Variants in ALDH2 observed in about 807,000 individuals in gnomAD.
ALDH2 encodes aldehyde dehydrogenase, mitochondrial.
ALDH2 carries 44 observed loss-of-function variants against 59.6 expected under a neutral mutation model. The observed-to-expected ratio is 0.74, with a 90% confidence interval of 0.58 to 0.95. The LOEUF (loss-of-function observed/expected upper bound fraction) is 0.95. Ranked by LOEUF, ALDH2 falls within the 40% of genes least tolerant of loss-of-function variation. The pLI is 0.00. For missense variants in ALDH2, 570 were observed against 696.3 expected, an observed-to-expected ratio of 0.82 and a Z score of 2.04; for synonymous variants, 291 against 284.0, an observed-to-expected ratio of 1.02 and a Z score of -0.25.
intron 1 of ALDH2, among the ~76,000 whole-genome samples, chr12:111,776,331 C>T (rs904483676): frequency 2.0e-5 from 3 of 152,166 alleles, no homozygotes; most frequent in African/African-American, 4.8e-5. Flanking sequence ...GGACCCCCTG[C>T]GGGCAAGGTC....
At chr12:111,767,647 A>G (rs1218072425) in intron 1 of ALDH2, among the ~76,000 whole-genome samples, 3 of 152,188 alleles carry the variant, frequency 2.0e-5, no homozygotes, top group Non-Finnish European at 2.9e-5. Context: ...CTTCGGCCCC[A>G]GGGGGCCGAC....
At chr12:111,783,375 C>T in intron 3 of ALDH2, 77 bp downstream of exon 3, 1 of 1,507,968 alleles carries the variant, frequency 6.6e-7, no homozygotes, top group Non-Finnish European at 8.9e-7. Flanking sequence ...AGCCAGGAAC[C>T]AAGCATCCTG....
At chr12:111,767,418 A>C (rs1217526460) in intron 1 of ALDH2, among the ~76,000 whole-genome samples, 1 of 151,762 alleles carries the variant, frequency 6.6e-6, no homozygotes, top group African/African-American at 2.4e-5. Flanking sequence ...CAGGGTCCCC[A>C]CCCTCACCCA....
intron 12 of ALDH2, among the ~76,000 whole-genome samples, chr12:111,804,709 T>G (rs1299495122): frequency 1.4e-5 from 2 of 146,206 alleles, no homozygotes; most frequent in Admixed American, 7.0e-5. Context: ...ATTGTGCCAT[T>G]GCACTCCAGC....
At chr12:111,791,219 C>A in intron 6 of ALDH2, 87 bp from the exon 7 acceptor site, 1 of 992,732 alleles carries the variant, frequency 1.0e-6, no homozygotes, top group Admixed American at 2.0e-5. Context: ...CTGTCCCACC[C>A]TCTCTGAGAA....
At position 111,790,522 on chromosome 12, in the gene ALDH2, C is replaced by T; in HGVS notation, c.641C>T (p.Thr214Ile). 1 of 1,614,188 alleles carries T rather than the reference C, an allele frequency of 6.2e-7. No individual in the cohort carries two copies. Among genetic ancestry groups the T allele is most frequent in the South Asian group, 1.1e-5 (1 of 91,078 alleles). Residue 214 changes from threonine to isoleucine, a missense_variant, in exon 6 of 13, where the codon ACA becomes ATA. Thr to Ile is a moderately conservative substitution (Grantham distance 89). Transcript: ENST00000261733. ...GTTGTGATGAAGGTAGCTGAGCAGA[C>T]ACCCCTCACCGCCCTCTATGTGGCC... ...NVVVMKVAEQ[T>I]PLTALYVANL...
In ALDH2 at chr12:111,780,553, G is replaced by A. The variant is rs189155283; in HGVS notation, c.115-1365G>A. Among the ~76,000 whole-genome samples the A allele has an allele frequency of 3.5e-3, 540 of 152,158 alleles. 12 individuals carry two copies. Among genetic ancestry groups the A allele is most frequent in the Admixed American group, 0.033 (500 of 15,280 alleles). On this transcript the variant is annotated intron_variant, in intron 1 of 12. Transcript: ENST00000261733. Reference sequence around the variant, plus strand: ...GTGGACCCCTCCTTTTCATCATTCCGGACTCGGTCAAATGTCCACTCCTCA... The same window carrying A: ...GTGGACCCCTCCTTTTCATCATTCCAGACTCGGTCAAATGTCCACTCCTCA...
chr12:111,797,985 C>G (rs1056324781), intron 9 of ALDH2, 93 bp from the exon 10 acceptor site: 1 of 1,471,902 alleles, frequency 6.8e-7, no homozygotes, highest in African/African-American at 1.4e-5. Flanking sequence ...GGTCCATTTC[C>G]CAGTTGTCTT....
intron 12 of ALDH2, among the ~76,000 whole-genome samples, chr12:111,806,758 G>A (rs757683371): frequency 8.0e-5 from 12 of 149,764 alleles, no homozygotes; most frequent in Non-Finnish European, 1.6e-4. Flanking sequence ...GATCACTTGA[G>A]GTCAGGAGTT....
chr12:111,794,088 G>A (rs947098415), intron 9 of ALDH2, among the ~76,000 whole-genome samples: 3 of 143,754 alleles, frequency 2.1e-5, no homozygotes, highest in Non-Finnish European at 3.0e-5. Context: ...GCGTGATCTC[G>A]GCTCACTGCA....
At chr12:111,770,882 C>T (rs1454530205) in intron 1 of ALDH2, among the ~76,000 whole-genome samples, 2 of 152,072 alleles carry the variant, frequency 1.3e-5, no homozygotes, top group Non-Finnish European at 2.9e-5. Flanking sequence ...AACTCCTGGC[C>T]TCAGGTGATC....
intron 9 of ALDH2, among the ~76,000 whole-genome samples, chr12:111,797,038 C>T (rs190129288): frequency 5.3e-5 from 8 of 151,290 alleles, no homozygotes; most frequent in Non-Finnish European, 1.0e-4. Flanking sequence ...TGGCTTACTG[C>T]AATCTCCACC....
At position 111,781,938 on chromosome 12, in the gene ALDH2, G is replaced by C. The variant is rs1041272106; in HGVS notation, c.135G>C (p.Trp45Cys). 6.2e-7 allele frequency: 1 copy of C among 1,613,716 alleles called. No individual in the cohort carries two copies. Among genetic ancestry groups the C allele is most frequent in the Non-Finnish European group, 8.5e-7 (1 of 1,179,792 alleles). ...FCNQIFINNE[W>C]HDAVSRKTFP... ...TGTAGATTTTCATAAACAATGAATG[G>C]CACGATGCCGTCAGCAGGAAAACAT... Residue 45 changes from tryptophan (W) to cysteine (C), a missense_variant, in exon 2 of 13, where the codon TGG (tryptophan) becomes TGC (cysteine). Trp to Cys is a radical substitution (Grantham distance 215). Transcript: ENST00000261733.
chr12:111,797,150 G>T (rs1255228583), intron 9 of ALDH2, among the ~76,000 whole-genome samples: 1 of 152,184 alleles, frequency 6.6e-6, no homozygotes, highest in East Asian at 1.9e-4. Flanking sequence ...GGCCAGGCTA[G>T]TCTTGAACTC....
At chr12:111,796,164 A>C (rs1021106435) in intron 9 of ALDH2, among the ~76,000 whole-genome samples, 7 of 151,492 alleles carry the variant, frequency 4.6e-5, no homozygotes, top group African/African-American at 1.7e-4. Flanking sequence ...TCTACTAAAA[A>C]TACAAAAACT....
chr12:111,802,269 G>A (rs980843881), intron 11 of ALDH2, among the ~76,000 whole-genome samples: 2 of 152,042 alleles, frequency 1.3e-5, no homozygotes, highest in South Asian at 2.1e-4. Context: ...CAAATTAGAC[G>A]GGTGTGGTGG....
chr12:111,794,967 G>C (rs998614830), intron 9 of ALDH2, among the ~76,000 whole-genome samples: 6 of 152,030 alleles, frequency 3.9e-5, no homozygotes, highest in African/African-American at 1.5e-4. Flanking sequence ...TAAATATCCT[G>C]TACCCATTAG....
intron 1 of ALDH2, among the ~76,000 whole-genome samples, chr12:111,781,151 C>A (rs186190096): frequency 3.3e-5 from 5 of 152,192 alleles, no homozygotes; most frequent in Non-Finnish European, 1.5e-5. Flanking sequence ...TAATTTAGTT[C>A]TCACAACAAA....
chr12:111,783,465 A>C (rs2068288498), intron 3 of ALDH2, among the ~76,000 whole-genome samples, 167 bp downstream of exon 3: 1 of 152,182 alleles, frequency 6.6e-6, no homozygotes, highest in African/African-American at 2.4e-5. Context: ...GCACCTCTGT[A>C]CTAACCAGAG....
Sources: gnomAD v4.1 joint callset for allele counts (sites outside exome capture counted in the v4.1 genomes callset) on GRCh38, gnomAD v4.1.1 for gene constraint, MANE v1.5 for transcripts, NCBI Gene and HGNC (gene_info 2026-07-23, HGNC 2026-07-21) for gene names.